Variants in MYL3 observed in about 807,000 individuals in gnomAD.
MYL3 encodes CMLC1.
MYL3 carries 11 observed loss-of-function variants against 21.3 expected under a neutral mutation model. That is an observed-to-expected ratio of 0.52 (90% CI 0.32 to 0.85). The LOEUF is 0.85. Among genes scored for constraint, MYL3 ranks in the 40% least tolerant of loss-of-function variants. MYL3 has a pLI of 0.03. For synonymous variants in MYL3, 88 were observed against 91.6 expected (o/e 0.96, Z 0.22); for missense variants, 206 against 253.3 (o/e 0.81, Z 1.27).
At chr3:46,871,007 C>T (rs527256651) in intron 1 of MYL3, among the ~76,000 whole-genome samples, 7 of 152,210 alleles carry the variant, frequency 4.6e-5, no homozygotes, top group Non-Finnish European at 1.0e-4. Context: ...CGCCTGTGCA[C>T]ACATATCCAC....
rs1292799885 is a variant in MYL3, at chr3:46,879,639, T to G, written c.-218+2435A>C. On this transcript the variant is annotated intron_variant, in intron 1 of 3. Transcript: ENST00000431168. The surrounding 1 kb of genome is among the most constrained non-coding windows in gnomAD (Gnocchi z 4.7). ...GCTCATGCCTGTGGTGCCAGCTACA[T>G]GAGAGGCTGAGGTGAGAGGATTGCT... Among the ~76,000 whole-genome samples, 3 of 152,032 alleles carry G rather than the reference T, an allele frequency of 2.0e-5. No individual in the cohort carries two copies. Among genetic ancestry groups the G allele is most frequent in the African/African-American group, 7.3e-5 (3 of 41,370 alleles).
intron 6 of MYL3, 34 bp downstream of exon 6, chr3:46,858,197 G>T: frequency 6.2e-7 from 1 of 1,611,254 alleles, no homozygotes; most frequent in Non-Finnish European, 8.5e-7. Flanking sequence ...TGGGCAGGTG[G>T]CAGCAGCGGG....
In MYL3 at chr3:46,871,834, A is replaced by G. The variant is rs540313017; in HGVS notation, c.-217-5234T>C. 3.9e-5 allele frequency among the ~76,000 whole-genome samples: 6 copies of G among 152,270 alleles called. No individual in the cohort carries two copies. In the South Asian group the frequency reaches 1.2e-3, roughly 32 times the overall value. On this transcript the variant is annotated intron_variant, in intron 1 of 3. Transcript: ENST00000431168. ...CTGAGGTAAATACCTCTGTGCCCCA[A>G]AGGTCTGGAGCTCGGTTGGATGAGA...
At chr3:46,872,093 C>T (rs1190559094) in intron 1 of MYL3, among the ~76,000 whole-genome samples, 3 of 152,178 alleles carry the variant, frequency 2.0e-5, no homozygotes, top group South Asian at 2.1e-4. Context: ...AGCAGGTGCA[C>T]GGTCCTCCCA....
At chr3:46,870,549 A>G (rs1267221279) in intron 1 of MYL3, among the ~76,000 whole-genome samples, 1 of 151,974 alleles carries the variant, frequency 6.6e-6, no homozygotes. Flanking sequence ...TCCAGTGGCC[A>G]TACAAAAATC....
At chr3:46,868,015 C>T (rs900874532), upstream of MYL3, among the ~76,000 whole-genome samples, 1 of 152,160 alleles carries the variant, frequency 6.6e-6, no homozygotes, top group Admixed American at 6.5e-5. Flanking sequence ...AGAGATGGCA[C>T]GAGGCAGGTA....
chr3:46,880,731 AAGAAGAAGAAGG>A (rs1011930073), intron 1 of MYL3, among the ~76,000 whole-genome samples: 1 of 151,204 alleles, frequency 6.6e-6, no homozygotes, highest in African/African-American at 2.5e-5. Flanking sequence ...TGTCTTGAAG[AAGAAGAAGAAGG>A]AGAAGGAGAA....
In MYL3 at chr3:46,859,439, G is replaced by A; in HGVS notation, c.481+36C>T. On this transcript the variant is annotated intron_variant, in intron 4 of 6. Coordinates refer to ENST00000292327, the MANE Select transcript of MYL3 (RefSeq NM_000258.3). The surrounding 1 kb of genome is among the most constrained non-coding windows in gnomAD (Gnocchi z 4.1). ...GAGTGGTTTCTCCCAGGATGTCCCT[G>A]GAAGGAGTTGGGGTAGGGGAGGAGG... 6.2e-7 allele frequency: 1 copy of A among 1,613,454 alleles called. No homozygotes were observed. The highest frequency in any genetic ancestry group is 8.5e-7 in the Non-Finnish European group (1 of 1,179,754).
At chr3:46,877,163 G>A (rs2030265877) in intron 1 of MYL3, among the ~76,000 whole-genome samples, 1 of 152,170 alleles carries the variant, frequency 6.6e-6, no homozygotes, top group African/African-American at 2.4e-5. Context: ...CTGTGGGGCT[G>A]TAGGGGTCAG....
At chr3:46,872,232 T>C (rs955480877) in intron 1 of MYL3, among the ~76,000 whole-genome samples, 1 of 152,112 alleles carries the variant, frequency 6.6e-6, no homozygotes, top group East Asian at 1.9e-4. Flanking sequence ...AGGGGAACAA[T>C]TGGCTGGAAT....
Position 46,861,118 on chromosome 3 carries a change from C to T in MYL3, c.130-131G>A. On this transcript the variant is annotated intron_variant, in intron 1 of 6. Coordinates refer to ENST00000292327, the MANE Select transcript of MYL3 (RefSeq NM_000258.3). The surrounding 1 kb of genome is among the most constrained non-coding windows in gnomAD (Gnocchi z 4.2). Reference sequence around the variant, plus strand: ...CCCATTCCAGCATCCCAGCCTGCACCCCCAGGACCTCCTGCAGTCCATCTT... The same window carrying T: ...CCCATTCCAGCATCCCAGCCTGCACTCCCAGGACCTCCTGCAGTCCATCTT... 1 of 1,052,154 alleles carries T rather than the reference C, an allele frequency of 9.5e-7. No homozygotes were observed. The highest frequency in any genetic ancestry group is 1.5e-6 in the Non-Finnish European group (1 of 685,264). 65.2% of individuals were successfully genotyped at this position (1,052,154 alleles called of 1,614,324 possible).
At chr3:46,878,124 C>G (rs1484130905) in intron 1 of MYL3, among the ~76,000 whole-genome samples, 2 of 152,206 alleles carry the variant, frequency 1.3e-5, no homozygotes, top group African/African-American at 2.4e-5. Context: ...CCCATCGCCC[C>G]TCCCTTCACC....
intron 1 of MYL3, among the ~76,000 whole-genome samples, chr3:46,875,918 C>A (rs2106928369): frequency 6.6e-6 from 1 of 152,358 alleles, no homozygotes; most frequent in African/African-American, 2.4e-5. Flanking sequence ...CTCCCCCTAC[C>A]TCTTCCCCAG....
At chr3:46,869,480 C>A (rs553714678) in intron 1 of MYL3, among the ~76,000 whole-genome samples, 1 of 152,192 alleles carries the variant, frequency 6.6e-6, no homozygotes, top group African/African-American at 2.4e-5. Context: ...CTCCATTTCC[C>A]CAAGGTTTCC....
upstream of MYL3, among the ~76,000 whole-genome samples, chr3:46,866,763 C>T (rs912666477): frequency 1.6e-4 from 24 of 152,176 alleles, no homozygotes; most frequent in Non-Finnish European, 1.3e-4. Context: ...GGAGCTCTGG[C>T]GGTGCAGAGG....
intron 1 of MYL3, among the ~76,000 whole-genome samples, chr3:46,868,614 C>A (rs776142124): frequency 2.6e-5 from 4 of 152,124 alleles, no homozygotes; most frequent in African/African-American, 4.8e-5. Context: ...GCCACGGCCG[C>A]TATATTTGGG....
Position 46,874,921 on chromosome 3 carries a change from G to A in MYL3, c.-218+7153C>T, listed in dbSNP as rs1022103357. 2.0e-5 allele frequency among the ~76,000 whole-genome samples: 3 copies of A among 152,178 alleles called. No homozygotes were observed. Among genetic ancestry groups the A allele is most frequent in the Admixed American group, 2.0e-4 (3 of 15,290 alleles). The stretch of plus-strand genomic sequence containing the variant: ...TGATGAAAGGGGATCTGGTGGGGAG[G>A]CCTTTCTCCTACCCCACTCCCCGCC... On this transcript the variant is annotated intron_variant, in intron 1 of 3. Transcript: ENST00000431168. The surrounding 1 kb of genome is among the most constrained non-coding windows in gnomAD (Gnocchi z 4.1).
intron 1 of MYL3, among the ~76,000 whole-genome samples, chr3:46,862,165 AGGACAATGCCACTAT>A (rs1276939654): frequency 6.6e-6 from 1 of 152,180 alleles, no homozygotes; most frequent in Non-Finnish European, 1.5e-5. Flanking sequence ...CTGGCGAGAA[AGGACAATGCCACTAT>A]GGGCCGTGGC....
intron 1 of MYL3, among the ~76,000 whole-genome samples, chr3:46,873,057 C>A (rs1010127642): frequency 6.6e-6 from 1 of 152,224 alleles, no homozygotes; most frequent in Admixed American, 6.5e-5. Flanking sequence ...TCCTCAAGGG[C>A]TCGCCGTCTA....
Sources: allele counts gnomAD v4.1 joint callset (sites outside exome capture counted in the v4.1 genomes callset), GRCh38; gene constraint gnomAD v4.1.1; non-coding constraint Gnocchi (gnomAD v3.1); transcripts MANE v1.5; gene names NCBI Gene and HGNC (gene_info 2026-07-23, HGNC 2026-07-21).